The following ACAP2 variants were observed in gnomAD, a reference collection of about 807,000 sequenced individuals.
The protein encoded by ACAP2 is arf-GAP with coiled-coil, ANK repeat and PH domain-containing protein 2.
ACAP2 carries 39 observed loss-of-function variants against 115.8 expected under a neutral mutation model. The observed-to-expected ratio is 0.34, with a 90% CI of 0.26 to 0.44. ACAP2 has a LOEUF of 0.44. Ranked by LOEUF, ACAP2 falls within the 20% of genes least tolerant of loss-of-function variation. The pLI is 1.00. For missense variants in ACAP2, 662 were observed against 927.6 expected, an observed-to-expected ratio of 0.71 and a Z score of 3.72; for synonymous variants, 289 against 315.8, an observed-to-expected ratio of 0.92 and a Z score of 0.90.
At chr3:195,301,508 C>A (rs1046520493) in intron 15 of ACAP2, 67 bp downstream of exon 15, 2 of 1,251,756 alleles carry the variant, frequency 1.6e-6, no homozygotes, top group Non-Finnish European at 2.3e-6. Context: ...CATTTGTAAA[C>A]CAAGATTCTA....
chr3:195,301,429 G>T (rs933301441), intron 15 of ACAP2, 146 bp downstream of exon 15: 7 of 672,588 alleles, frequency 1.0e-5, no homozygotes, highest in East Asian at 2.8e-5. Context: ...CACCAGATTT[G>T]CCAAAATAGC....
chr3:195,362,518 A>C (rs1205767090), intron 4 of ACAP2, among the ~76,000 whole-genome samples: 3 of 152,096 alleles, frequency 2.0e-5, no homozygotes, highest in Admixed American at 6.6e-5. Flanking sequence ...ACAGAGATGC[A>C]TAAAAAATAA....
chr3:195,347,948 G>A (rs1267265135), intron 4 of ACAP2, among the ~76,000 whole-genome samples: 5 of 151,906 alleles, frequency 3.3e-5, no homozygotes, highest in African/African-American at 1.2e-4. Context: ...GGAGTTCAAG[G>A]TTGCAGTGAG....
chr3:195,303,153 T>A (rs907877822), intron 13 of ACAP2, among the ~76,000 whole-genome samples: 10 of 151,540 alleles, frequency 6.6e-5, no homozygotes, highest in African/African-American at 2.4e-4. Context: ...GAAACGGAGG[T>A]TGCAGTGAGC....
chr3:195,308,260 T>A (rs1409627577), intron 11 of ACAP2, among the ~76,000 whole-genome samples: 1 of 152,032 alleles, frequency 6.6e-6, no homozygotes, highest in Non-Finnish European at 1.5e-5. Flanking sequence ...GCACCCTCTC[T>A]TTCATCTTCA....
At chr3:195,407,401 T>G (rs912998865) in intron 1 of ACAP2, among the ~76,000 whole-genome samples, 2 of 151,950 alleles carry the variant, frequency 1.3e-5, no homozygotes. Flanking sequence ...TAGTTATAAA[T>G]GCTCACATTA....
At chr3:195,358,045 G>A (rs186316886) in intron 4 of ACAP2, among the ~76,000 whole-genome samples, 5 of 152,282 alleles carry the variant, frequency 3.3e-5, no homozygotes, top group South Asian at 4.1e-4. Flanking sequence ...CCCTTGACAC[G>A]TGGGGATTAT....
At chr3:195,366,926 T>G (rs1189626877) in intron 4 of ACAP2, among the ~76,000 whole-genome samples, 1 of 151,972 alleles carries the variant, frequency 6.6e-6, no homozygotes, top group Non-Finnish European at 1.5e-5. Flanking sequence ...TTGAAGCTTG[T>G]GGGCCATGAG....
At chr3:195,409,252 T>C (rs141499749) in intron 1 of ACAP2, among the ~76,000 whole-genome samples, 1 of 152,216 alleles carries the variant, frequency 6.6e-6, no homozygotes, top group African/African-American at 2.4e-5. Flanking sequence ...TAGCAGGATA[T>C]AGTCAACATA....
intron 4 of ACAP2, among the ~76,000 whole-genome samples, chr3:195,355,583 T>G (rs1255085582): frequency 6.6e-6 from 1 of 152,212 alleles, no homozygotes; most frequent in Non-Finnish European, 1.5e-5. Context: ...CATTATAAAA[T>G]GAACTTACAA....
intron 4 of ACAP2, chr3:195,349,793 A>G (rs566697680): frequency 1.2e-4 from 42 of 337,812 alleles, no homozygotes; most frequent in Non-Finnish European, 2.2e-4. Flanking sequence ...CAGGCACTCA[A>G]AGAGATCCAG....
At chr3:195,415,466 G>T (rs543620933) in intron 1 of ACAP2, among the ~76,000 whole-genome samples, 2 of 151,932 alleles carry the variant, frequency 1.3e-5, no homozygotes, top group South Asian at 4.2e-4. Context: ...TAGTAGAGAC[G>T]GGATTTCACC....
intron 22 of ACAP2, among the ~76,000 whole-genome samples, chr3:195,284,578 A>C (rs187111209): frequency 3.2e-4 from 48 of 152,350 alleles, no homozygotes; most frequent in Non-Finnish European, 6.9e-4. Context: ...ATTAGGCCAA[A>C]AATAAGCAGT....
chr3:195,319,753 T>G (rs1241493687), intron 10 of ACAP2, among the ~76,000 whole-genome samples: 2 of 152,250 alleles, frequency 1.3e-5, no homozygotes, highest in African/African-American at 4.8e-5. Context: ...GGACTTGCCT[T>G]GTCTCAGATG....
At chr3:195,417,169 CAG>C (rs1180006332) in intron 1 of ACAP2, among the ~76,000 whole-genome samples, 1 of 148,798 alleles carries the variant, frequency 6.7e-6, no homozygotes, top group Non-Finnish European at 1.5e-5. Flanking sequence ...TGGCCTCGAG[CAG>C]TCCTCCCGCC....
At chr3:195,298,638 C>CTTT in intron 15 of ACAP2, among the ~76,000 whole-genome samples, 1 of 148,420 alleles carries the variant, frequency 6.7e-6, no homozygotes, top group African/African-American at 2.5e-5. Flanking sequence ...CCATTTATTC[C>CTTT]TTTTTTTTTT....
intron 1 of ACAP2, among the ~76,000 whole-genome samples, chr3:195,405,911 G>A (rs1463270953): frequency 6.6e-6 from 1 of 152,084 alleles, no homozygotes; most frequent in African/African-American, 2.4e-5. Flanking sequence ...CAGATCTTGT[G>A]AGAACTTCAT....
chr3:195,299,778 C>T (rs1160236466), intron 15 of ACAP2, among the ~76,000 whole-genome samples: 1 of 152,040 alleles, frequency 6.6e-6, no homozygotes, highest in Non-Finnish European at 1.5e-5. Context: ...GTGGAGCTTG[C>T]AGTGAGTCAA....
rs1290130398 is a variant in ACAP2, at chr3:195,277,641, A to C, written c.*1687T>G. The stretch of plus-strand genomic sequence containing the variant: ...ACTTATAAAACCCTAGTGACTGGGA[A>C]ATGTTAGAAAATTTATCTATAATTG... On this transcript the variant is annotated 3_prime_UTR_variant, in exon 23 of 23. Coordinates refer to ENST00000326793, the MANE Select transcript of ACAP2 (RefSeq NM_012287.6). 1 of 152,242 alleles carries C rather than the reference A, an allele frequency of 6.6e-6. No individual in the cohort carries two copies. The highest frequency in any genetic ancestry group is 1.5e-5 in the Non-Finnish European group (1 of 68,040). The allele number at this position is 152,242 out of a possible 1,614,324, so 9.4% of individuals were successfully genotyped here. A position where few individuals can be genotyped will look rare whatever the true frequency, so the allele number is the denominator to read the frequency against.
Sources: allele counts gnomAD v4.1 joint callset (sites outside exome capture counted in the v4.1 genomes callset), GRCh38; gene constraint gnomAD v4.1.1; transcripts MANE v1.5; gene names NCBI Gene and HGNC (gene_info 2026-07-23, HGNC 2026-07-21).